The following SHOC2 variants were observed in gnomAD, a reference collection of about 807,000 sequenced individuals.
SHOC2 encodes the protein leucine-rich repeat protein SHOC-2.
In SHOC2, 4 loss-of-function variants were observed where a neutral mutation model predicts 50.2. The ratio of observed to expected loss-of-function variants is 0.08; its 90% CI spans 0.04 to 0.18. SHOC2 has a LOEUF of 0.18. Among genes scored for constraint, SHOC2 ranks in the 10% least tolerant of loss-of-function variants. SHOC2 has a pLI of 1.00. For missense variants in SHOC2, 388 were observed against 669.6 expected (o/e 0.58, Z 4.64); for synonymous variants, 218 against 244.5 (o/e 0.89, Z 1.01).
intron 1 of SHOC2, among the ~76,000 whole-genome samples, chr10:110,958,963 C>T (rs1327611773): frequency 1.3e-5 from 2 of 151,978 alleles, no homozygotes; most frequent in Non-Finnish European, 2.9e-5. Context: ...CACTTCCTTA[C>T]TCTTAAAATG....
intron 2 of SHOC2, among the ~76,000 whole-genome samples, chr10:110,974,531 G>T (rs1422243236): frequency 6.6e-6 from 1 of 151,798 alleles, no homozygotes; most frequent in Admixed American, 6.6e-5. Flanking sequence ...ATATAGTTAG[G>T]TCTTGTGTTT....
chr10:110,999,759 A>AAG (rs66461138), intron 3 of SHOC2, among the ~76,000 whole-genome samples: 2 of 144,118 alleles, frequency 1.4e-5, no homozygotes, highest in Non-Finnish European at 3.0e-5. Flanking sequence ...AAAAAAAAAA[A>AAG]GAAAGAAAAG....
chr10:110,963,567 T>C (rs1426698817), intron 1 of SHOC2, among the ~76,000 whole-genome samples: 4 of 152,228 alleles, frequency 2.6e-5, no homozygotes, highest in Admixed American at 6.5e-5. Flanking sequence ...CTTTCTGTTA[T>C]CTAAAGCTAT....
chr10:110,988,273 G>A (rs777922291), intron 3 of SHOC2, among the ~76,000 whole-genome samples: 1 of 152,026 alleles, frequency 6.6e-6, no homozygotes, highest in Admixed American at 6.5e-5. Flanking sequence ...GTATGAAATT[G>A]CATTATTTCT....
rs1378454852 is a variant in SHOC2 at position 110,983,704 on chromosome 10, ACGGTT to A, written c.704-1922_704-1918del. 3.3e-5 allele frequency among the ~76,000 whole-genome samples: 5 copies of A among 151,968 alleles called. No individual in the cohort carries two copies. The East Asian group carries it at 9.6e-4, about 29-fold the overall frequency. On this transcript the variant is annotated intron_variant, in intron 2 of 8. Transcript: ENST00000369452. ...CCTCTCTCCTCAGCACCTACTAACC[ACGGTT>A]CTGCTTTCTGTCTCTATGAATTTGA... is the stretch of plus-strand genomic sequence containing the variant.
chr10:110,953,694 TGAGA>T (rs986318516), intron 1 of SHOC2, among the ~76,000 whole-genome samples: 1 of 151,664 alleles, frequency 6.6e-6, no homozygotes, highest in South Asian at 2.1e-4. Context: ...AGTAAATCTT[TGAGA>T]GAGAGATATA....
chr10:111,004,852 T>C, intron 5 of SHOC2, 58 bp downstream of exon 5: 2 of 1,178,410 alleles, frequency 1.7e-6, no homozygotes, highest in Middle Eastern at 2.1e-4. Flanking sequence ...CTTCCACTAA[T>C]ATTTATGTTT....
At chr10:111,011,148 A>AT (rs1848559594) in intron 8 of SHOC2, among the ~76,000 whole-genome samples, 1 of 152,222 alleles carries the variant, frequency 6.6e-6, no homozygotes, top group South Asian at 2.1e-4. Context: ...AGTAACAAAT[A>AT]TTTTGCACAT....
chr10:110,937,031 CG>C, intron 1 of SHOC2: 1 of 1,482,930 alleles, frequency 6.7e-7, no homozygotes. Context: ...GTAGGGGCGT[CG>C]GAAAGGGTTG....
At chr10:110,959,729 T>G (rs1450933970) in intron 1 of SHOC2, among the ~76,000 whole-genome samples, 2 of 152,220 alleles carry the variant, frequency 1.3e-5, no homozygotes, top group African/African-American at 4.8e-5. Flanking sequence ...TGTCTGGCAA[T>G]GATTGAACAT....
intron 3 of SHOC2, among the ~76,000 whole-genome samples, chr10:110,991,186 A>G (rs1285769213): frequency 2.0e-5 from 3 of 152,208 alleles, no homozygotes; most frequent in Non-Finnish European, 4.4e-5. Flanking sequence ...GGGGCATGCG[A>G]TTAAAGTACT....
At chr10:110,924,791 C>G (rs181977309) in intron 1 of SHOC2, among the ~76,000 whole-genome samples, 1 of 152,014 alleles carries the variant, frequency 6.6e-6, no homozygotes, top group South Asian at 2.1e-4. Flanking sequence ...TACTTAAGGC[C>G]GGGCGTGGTG....
intron 2 of SHOC2, among the ~76,000 whole-genome samples, chr10:110,973,579 C>T (rs1190599631): frequency 6.6e-6 from 1 of 151,872 alleles, no homozygotes; most frequent in African/African-American, 2.4e-5. Context: ...ATGTTTCTTC[C>T]TCTTTTATAT....
chr10:111,008,184 G>T (rs1161802128), intron 6 of SHOC2, among the ~76,000 whole-genome samples: 1 of 144,664 alleles, frequency 6.9e-6, no homozygotes, highest in African/African-American at 2.6e-5. Flanking sequence ...TTTTCTTTTA[G>T]TATGTTTTTC....
chr10:110,946,792 G>A (rs1164619401), intron 1 of SHOC2, among the ~76,000 whole-genome samples: 1 of 152,142 alleles, frequency 6.6e-6, no homozygotes, highest in East Asian at 1.9e-4. Context: ...GAGTCTTGGA[G>A]GTTGGAGGTA....
intron 1 of SHOC2, among the ~76,000 whole-genome samples, chr10:110,932,128 T>C (rs1846907460): frequency 6.6e-6 from 1 of 152,188 alleles, no homozygotes; most frequent in African/African-American, 2.4e-5. Flanking sequence ...GGCAGAAGAA[T>C]ATAGCTTGTG....
chr10:110,967,143 C>G (rs959628292), intron 2 of SHOC2, among the ~76,000 whole-genome samples: 1 of 152,142 alleles, frequency 6.6e-6, no homozygotes, highest in Admixed American at 6.6e-5. Flanking sequence ...TTTAATTATA[C>G]TATCTTATAT....
intron 1 of SHOC2, among the ~76,000 whole-genome samples, chr10:110,921,821 T>A (rs1846658417): frequency 6.6e-6 from 1 of 152,114 alleles, no homozygotes; most frequent in Non-Finnish European, 1.5e-5. Flanking sequence ...CCCCTTCAGT[T>A]TTTGAGGAAA....
intron 1 of SHOC2, among the ~76,000 whole-genome samples, chr10:110,963,371 T>C (rs781193972): frequency 2.0e-5 from 3 of 152,208 alleles, no homozygotes; most frequent in Non-Finnish European, 2.9e-5. Context: ...CATTGCCCTT[T>C]GTCACTGGTT....
Sources: gnomAD v4.1 joint callset for allele counts (sites outside exome capture counted in the v4.1 genomes callset) on GRCh38, gnomAD v4.1.1 for gene constraint, MANE v1.5 for transcripts, NCBI Gene and HGNC (gene_info 2026-07-23, HGNC 2026-07-21) for gene names.